The following STPG2 variants were observed in gnomAD, a reference collection of about 807,000 sequenced individuals.
The protein encoded by STPG2 is sperm tail PG-rich repeat containing 2.
STPG2 carries 56 observed loss-of-function variants against 54.2 expected under a neutral mutation model. The ratio of observed to expected loss-of-function variants is 1.03; its 90% CI spans 0.83 to 1.29. STPG2 has a LOEUF of 1.29. Among genes scored for constraint, STPG2 ranks in the 50% most tolerant of loss-of-function variants. The pLI, the probability that STPG2 is intolerant of heterozygous loss-of-function variation, is 0.00. For synonymous variants in STPG2, 200 were observed against 181.8 expected, an observed-to-expected ratio of 1.10 and a Z score of -0.81; for missense variants, 596 against 544.9, an observed-to-expected ratio of 1.09 and a Z score of -0.93.
Position 98,005,718 on chromosome 4 carries a change from C to A in STPG2, c.613-24400G>T, listed in dbSNP as rs147761724. 4.3e-3 allele frequency among the ~76,000 whole-genome samples: 653 copies of A among 151,248 alleles called. 5 individuals are homozygous for A. Among genetic ancestry groups the A allele is most frequent in the Non-Finnish European group, 6.6e-3 (448 of 67,866 alleles). ...AACCATCCTTGCATCCAAAATAAAT[C>A]CCACTTGTTCATTGTGAATAATTCA... On this transcript the variant is annotated intron_variant, in intron 5 of 10. Transcript: ENST00000295268.
At chr4:97,485,983 C>T (rs561831161) in intron 4 of STPG2, among the ~76,000 whole-genome samples, 1 of 151,626 alleles carries the variant, frequency 6.6e-6, no homozygotes, top group Non-Finnish European at 1.5e-5. Context: ...GATAATTGCC[C>T]AGCCATATGT....
chr4:97,666,025 ATGTCTG>A (rs1433811997), intron 10 of STPG2, among the ~76,000 whole-genome samples: 1 of 152,066 alleles, frequency 6.6e-6, no homozygotes, highest in African/African-American at 2.4e-5. Flanking sequence ...GAGTGCAGAG[ATGTCTG>A]TGTCTGCAGC....
At chr4:97,977,150 C>T (rs1734525876) in intron 6 of STPG2, among the ~76,000 whole-genome samples, 1 of 152,130 alleles carries the variant, frequency 6.6e-6, no homozygotes, top group African/African-American at 2.4e-5. Flanking sequence ...TGCCTCTCCA[C>T]TATTGATCTT....
intron 9 of STPG2, among the ~76,000 whole-genome samples, chr4:97,720,055 C>A (rs1475616623): frequency 6.6e-6 from 1 of 151,934 alleles, no homozygotes; most frequent in African/African-American, 2.4e-5. Flanking sequence ...CTATTTTAAT[C>A]TTGGACCAAA....
intron 5 of STPG2, among the ~76,000 whole-genome samples, chr4:98,029,253 C>T (rs1003609247): frequency 7.2e-5 from 11 of 152,098 alleles, no homozygotes; most frequent in African/African-American, 2.7e-4. Flanking sequence ...TGAGGTCTCA[C>T]TCTATCAATT....
chr4:98,077,594 C>T (rs1366626809), intron 5 of STPG2, among the ~76,000 whole-genome samples: 4 of 151,858 alleles, frequency 2.6e-5, no homozygotes, highest in African/African-American at 9.7e-5. Flanking sequence ...GAATTAGTGC[C>T]CCACAACCTA....
At chr4:97,782,349 C>T (rs2923939) in intron 9 of STPG2, among the ~76,000 whole-genome samples, 88,575 of 151,910 alleles carry the variant, frequency 0.58, 26,390 homozygotes, top group East Asian at 0.74. Context: ...GAGAATAAAA[C>T]ACCTAGGAAT....
intron 8 of STPG2, among the ~76,000 whole-genome samples, chr4:97,883,040 C>T (rs1253476643): frequency 6.6e-6 from 1 of 151,350 alleles, no homozygotes; most frequent in Non-Finnish European, 1.5e-5. Context: ...GAAAGCAAGC[C>T]AGTCATGGTG....
intron 5 of STPG2, among the ~76,000 whole-genome samples, chr4:98,099,002 T>G (rs906840892): frequency 6.6e-5 from 10 of 151,956 alleles, no homozygotes; most frequent in East Asian, 1.9e-4. Flanking sequence ...CCTTGTACAC[T>G]GATGGTGGGA....
At chr4:97,881,369 T>A (rs1730368717) in intron 8 of STPG2, among the ~76,000 whole-genome samples, 1 of 152,122 alleles carries the variant, frequency 6.6e-6, no homozygotes, top group African/African-American at 2.4e-5. Context: ...TAAGGTCTAT[T>A]CCATCTCTAA....
chr4:97,686,410 T>A (rs1466981574), intron 10 of STPG2, among the ~76,000 whole-genome samples: 1 of 152,196 alleles, frequency 6.6e-6, no homozygotes, highest in Non-Finnish European at 1.5e-5. Flanking sequence ...TTGGATGTTG[T>A]GGCTTAGCCA....
rs1471600272 is a variant in STPG2, at chr4:97,507,761, G to A, written c.462+204938C>T. 3.3e-5 allele frequency among the ~76,000 whole-genome samples: 5 copies of A among 151,876 alleles called. No individual in the cohort carries two copies. The South Asian group carries it at 1.0e-3, about 32-fold the overall frequency. On this transcript the variant is annotated intron_variant, in intron 4 of 4. Transcript: ENST00000522676. ...TTAATATTATGAAAGATACACATAG[G>A]GTAAGGTCTAGGAAAGTCCTGAATG... is the stretch of plus-strand genomic sequence containing the variant.
intron 4 of STPG2, among the ~76,000 whole-genome samples, chr4:97,460,546 A>G (rs1441440062): frequency 6.6e-6 from 1 of 151,932 alleles, no homozygotes; most frequent in Non-Finnish European, 1.5e-5. Flanking sequence ...TTTTTCTTGG[A>G]ACTGCTATTA....
intron 4 of STPG2, among the ~76,000 whole-genome samples, chr4:97,479,110 C>A (rs1442752706): frequency 6.6e-6 from 1 of 151,462 alleles, no homozygotes; most frequent in African/African-American, 2.4e-5. Flanking sequence ...ATATACATAG[C>A]AGAATATGTG....
chr4:97,637,416 C>G (rs1342774168), intron 10 of STPG2, among the ~76,000 whole-genome samples: 2 of 148,704 alleles, frequency 1.3e-5, no homozygotes, highest in Non-Finnish European at 3.0e-5. Context: ...GGAAGCATTC[C>G]CTTTGAAAAC....
At chr4:97,843,310 GC>G (rs112361668) in intron 8 of STPG2, among the ~76,000 whole-genome samples, 3,481 of 151,770 alleles carry the variant, frequency 0.023, 83 homozygotes, top group African/African-American at 0.065. Flanking sequence ...AAAATGTCTG[GC>G]TCTCATCTTC....
chr4:97,442,624 T>C (rs527446821), intron 4 of STPG2, among the ~76,000 whole-genome samples: 1 of 152,224 alleles, frequency 6.6e-6, no homozygotes, highest in Non-Finnish European at 1.5e-5. Context: ...AGGGGGCTAG[T>C]CTGGCTTTGC....
chr4:97,860,510 TTATTTTATTA>T (rs1376800453), intron 8 of STPG2, among the ~76,000 whole-genome samples: 1 of 143,804 alleles, frequency 7.0e-6, no homozygotes, highest in Non-Finnish European at 1.5e-5. Context: ...TTATTTTATT[TTATTTTATTA>T]TTTTATTTTA....
At chr4:97,795,712 C>G (rs1041734799) in intron 9 of STPG2, among the ~76,000 whole-genome samples, 1 of 152,164 alleles carries the variant, frequency 6.6e-6, no homozygotes, top group Non-Finnish European at 1.5e-5. Context: ...TGGGTATATA[C>G]CCAGTAATGG....
Sources: allele counts gnomAD v4.1 joint callset (sites outside exome capture counted in the v4.1 genomes callset), GRCh38; gene constraint gnomAD v4.1.1; transcripts MANE v1.5; gene names NCBI Gene and HGNC (gene_info 2026-07-23, HGNC 2026-07-21).